The following ASAH2 variants were observed in gnomAD, a reference collection of about 807,000 sequenced individuals.
The protein encoded by ASAH2 is neutral ceramidase.
A neutral mutation model predicts 82.9 loss-of-function variants in ASAH2; 58 were observed. The observed-to-expected ratio is 0.70, with a 90% CI of 0.57 to 0.87. ASAH2 has a LOEUF of 0.87. ASAH2 is among the 40% of genes least tolerant of loss of function. The pLI is 0.00. For synonymous variants in ASAH2, 276 were observed against 289.7 expected (o/e 0.95, Z 0.48); for missense variants, 779 against 834.0 (o/e 0.93, Z 0.81).
At chr10:50,239,938 T>G (rs969681495) in intron 4 of ASAH2, among the ~76,000 whole-genome samples, 4 of 149,046 alleles carry the variant, frequency 2.7e-5, no homozygotes, top group Non-Finnish European at 5.9e-5. Flanking sequence ...CAAGCCATTC[T>G]CCTGCCTTGG....
intron 7 of ASAH2, among the ~76,000 whole-genome samples, chr10:50,220,516 G>T (rs1589339647): frequency 6.6e-6 from 1 of 151,684 alleles, no homozygotes; most frequent in African/African-American, 2.4e-5. Context: ...GTTACTCTTA[G>T]CAAACAAACA....
chr10:50,212,182 A>AAC (rs3837301), intron 10 of ASAH2, among the ~76,000 whole-genome samples: 26,088 of 146,862 alleles, frequency 0.18, 2,406 homozygotes, highest in Admixed American at 0.27. Flanking sequence ...AAACTATTTA[A>AAC]ACACACACAC....
chr10:50,214,610 A>G, intron 9 of ASAH2, 133 bp downstream of exon 9: 1 of 1,098,132 alleles, frequency 9.1e-7, no homozygotes, highest in Non-Finnish European at 1.4e-6. Context: ...TGCTTTTGAG[A>G]AGAGCAGATG....
chr10:50,199,559 T>C (rs1379296910), intron 16 of ASAH2, among the ~76,000 whole-genome samples: 5 of 150,782 alleles, frequency 3.3e-5, no homozygotes, highest in Non-Finnish European at 7.4e-5. Flanking sequence ...GAAAGACATT[T>C]AATCCATCAC....
chr10:50,227,075 T>C (rs1026149859), intron 7 of ASAH2, among the ~76,000 whole-genome samples: 5 of 152,134 alleles, frequency 3.3e-5, no homozygotes, highest in African/African-American at 9.7e-5. Context: ...AAAGTTCAGA[T>C]ATAATAATCA....
At chr10:50,219,441 C>G (rs897323904) in intron 7 of ASAH2, among the ~76,000 whole-genome samples, 1 of 152,128 alleles carries the variant, frequency 6.6e-6, no homozygotes, top group African/African-American at 2.4e-5. Context: ...CTTGTGACAC[C>G]GTGTCCAGTG....
chr10:50,232,449 T>C (rs2133223708), intron 7 of ASAH2, among the ~76,000 whole-genome samples: 1 of 152,202 alleles, frequency 6.6e-6, no homozygotes, highest in East Asian at 1.9e-4. Flanking sequence ...CACTATCTGG[T>C]ACTTCCCTAG....
At chr10:50,205,053 A>AATACTACATCATAAAT in intron 13 of ASAH2, 98 bp from the exon 14 acceptor site, 1 of 778,198 alleles carries the variant, frequency 1.3e-6, no homozygotes, top group Non-Finnish European at 2.1e-6. Flanking sequence ...TTTCTAATTT[A>AATACTACATCATAAAT]TGATGTAGTA....
chr10:50,212,268 A>T (rs1046682640), intron 10 of ASAH2, among the ~76,000 whole-genome samples: 2 of 152,054 alleles, frequency 1.3e-5, no homozygotes, highest in Non-Finnish European at 2.9e-5. Flanking sequence ...TATCAAGGAC[A>T]TCTCAGTTCG....
chr10:50,250,864 T>C (rs1051436730), intron 1 of ASAH2, among the ~76,000 whole-genome samples: 3 of 152,244 alleles, frequency 2.0e-5, no homozygotes, highest in African/African-American at 7.2e-5. Flanking sequence ...ACCTATTACG[T>C]GGACTTGAAT....
intron 7 of ASAH2, among the ~76,000 whole-genome samples, chr10:50,221,664 G>T (rs1311488594): frequency 4.5e-5 from 6 of 132,134 alleles, no homozygotes; most frequent in South Asian, 2.3e-4. Context: ...TGTGTGTATA[G>T]ATAGATAGAT....
At chr10:50,210,950 A>G (rs1157123911) in intron 11 of ASAH2, 46 bp from the exon 12 acceptor site, 1 of 1,605,620 alleles carries the variant, frequency 6.2e-7, no homozygotes. Flanking sequence ...AAAAGACAAA[A>G]GTTAAACTGA....
chr10:50,244,120 G>C (rs1846379832), intron 3 of ASAH2, among the ~76,000 whole-genome samples: 1 of 152,204 alleles, frequency 6.6e-6, no homozygotes, highest in Non-Finnish European at 1.5e-5. Context: ...AAATTTTATA[G>C]GGTCACGCTG....
intron 16 of ASAH2, among the ~76,000 whole-genome samples, chr10:50,200,415 G>A (rs1845109624): frequency 1.3e-5 from 2 of 151,420 alleles, no homozygotes; most frequent in East Asian, 3.9e-4. Flanking sequence ...GTCCATCAAT[G>A]TGCCTGCCCT....
intron 7 of ASAH2, among the ~76,000 whole-genome samples, chr10:50,222,716 A>G (rs1845779463): frequency 6.6e-6 from 1 of 152,212 alleles, no homozygotes. Flanking sequence ...TTTTTCCTCC[A>G]TTGTCCTTTG....
intron 8 of ASAH2, among the ~76,000 whole-genome samples, chr10:50,215,309 A>G (rs1181028217): frequency 2.7e-5 from 4 of 150,198 alleles, no homozygotes; most frequent in Non-Finnish European, 4.4e-5. Context: ...CCCCAATACC[A>G]TTTATTAAAT....
Position 50,218,520 on chromosome 10 carries a change from A to G in ASAH2, c.1004T>C (p.Leu335Pro). Reference sequence around the variant, plus strand: ...GATATAAATTCTCACCTGTCCAGGTAGATATCCTTTGTTCTTCTCTTGCTC... The same window carrying G: ...GATATAAATTCTCACCTGTCCAGGTGGATATCCTTTGTTCTTCTCTTGCTC... The part of the protein sequence containing the change: ...LLEQEKNKGY[L>P]PGQGPFVAAF... The change falls in exon 8 of 21, where the codon CTA becomes CCA. Residue 335 changes from leucine (L) to proline (P), a missense_variant. Physicochemically the swap from Leu to Pro is moderately conservative, Grantham distance 98. Transcript: ENST00000682911. 6.2e-7 allele frequency: 1 copy of G among 1,613,580 alleles called. No individual in the cohort carries two copies. The highest frequency in any genetic ancestry group is 8.5e-7 in the Non-Finnish European group (1 of 1,179,604).
At chr10:50,235,255 G>A (rs1039333324) in intron 5 of ASAH2, among the ~76,000 whole-genome samples, 16 of 151,926 alleles carry the variant, frequency 1.1e-4, no homozygotes, top group Non-Finnish European at 2.4e-4. Context: ...GAATTTTGGG[G>A]GTGACATTGT....
chr10:50,243,472 G>A, intron 3 of ASAH2, 121 bp from the exon 4 acceptor site: 2 of 1,055,286 alleles, frequency 1.9e-6, no homozygotes, highest in Non-Finnish European at 1.3e-6. Context: ...ATGACATGGT[G>A]GCTCTGAGTG....
Sources: gnomAD v4.1 joint callset for allele counts (sites outside exome capture counted in the v4.1 genomes callset) on GRCh38, gnomAD v4.1.1 for gene constraint, MANE v1.5 for transcripts, NCBI Gene and HGNC (gene_info 2026-07-23, HGNC 2026-07-21) for gene names.